PCNT: variants seen among roughly 807,000 people sequenced by gnomAD.
PCNT encodes kendrin.
A neutral mutation model predicts 380.4 loss-of-function variants in PCNT; 319 were observed. The observed-to-expected ratio is 0.84, with a 90% CI of 0.77 to 0.92. The LOEUF is 0.92. PCNT is among the 40% of genes least tolerant of loss of function. PCNT has a pLI of 0.00. For synonymous variants in PCNT, 1,845 were observed against 1,735.2 expected, an observed-to-expected ratio of 1.06 and a Z score of -1.57; for missense variants, 4,400 against 4,255.3, an observed-to-expected ratio of 1.03 and a Z score of -0.95.
Position 46,430,227 on chromosome 21 carries a change from G to A in PCNT, c.7908G>A (p.Gln2636=), listed in dbSNP as rs748437304. 1 of 1,612,436 alleles carries A rather than the reference G, an allele frequency of 6.2e-7. No homozygotes were observed. Among genetic ancestry groups the A allele is most frequent in the South Asian group, 1.1e-5 (1 of 91,012 alleles). The stretch of plus-strand genomic sequence containing the variant: ...GCGAGGTGCAGCAGGAGGTCCTCCA[G>A]CTGAGGTGCGCCTGATCCCCCTTCC... The part of the protein sequence containing the change: ...SLCEVQQEVL[Q]LRSMLSSKEN... Residue 2636 remains glutamine, a synonymous_variant, in exon 36 of 47, where the codon CAG becomes CAA. Transcript: ENST00000359568.
intron 8 of PCNT, 24 bp downstream of exon 8, chr21:46,349,844 A>G: frequency 1.2e-6 from 2 of 1,610,336 alleles, no homozygotes; most frequent in Non-Finnish European, 1.7e-6. Flanking sequence ...TCGTTATTTA[A>G]TTACTTGGTA....
intron 3 of PCNT, among the ~76,000 whole-genome samples, chr21:46,335,087 G>A (rs1463708441): frequency 2.6e-5 from 4 of 152,170 alleles, no homozygotes; most frequent in East Asian, 1.9e-4. Flanking sequence ...ATAAGTTTGA[G>A]GAATGTCATG....
chr21:46,389,185 T>C lies in PCNT; in HGVS notation c.3608-14T>C, dbSNP rs2085947531. On this transcript the variant is annotated splice_polypyrimidine_tract_variant and intron_variant, in intron 18 of 46. Coordinates refer to ENST00000359568, the MANE Select transcript of PCNT (RefSeq NM_006031.6). ...TCACTGAGCCGCGTGTGCCGGCATC[T>C]GCTCATCTTGTAGCTCCGGCGCTGG... 13 of 1,610,602 alleles carry C rather than the reference T, an allele frequency of 8.1e-6. No individual in the cohort carries two copies. Among genetic ancestry groups the C allele is most frequent in the Non-Finnish European group, 8.5e-6 (10 of 1,176,776 alleles).
chr21:46,401,526 A>G (rs1311942958), intron 25 of PCNT, 25 bp from the exon 26 acceptor site: 1 of 1,599,586 alleles, frequency 6.3e-7, no homozygotes, highest in African/African-American at 1.3e-5. Context: ...ATTTGCCTAA[A>G]ATAGAGTTCT....
At chr21:46,428,796 A>G (rs904398322) in intron 35 of PCNT, among the ~76,000 whole-genome samples, 2 of 151,636 alleles carry the variant, frequency 1.3e-5, no homozygotes, top group Non-Finnish European at 2.9e-5. Flanking sequence ...CGGAGGCCTC[A>G]CTCTTGGGCC....
At chr21:46,336,650 A>T (rs1055551535) in intron 3 of PCNT, among the ~76,000 whole-genome samples, 4 of 151,964 alleles carry the variant, frequency 2.6e-5, no homozygotes, top group African/African-American at 9.7e-5. Context: ...TTACTAGATT[A>T]TGGTGTTGAG....
intron 1 of PCNT, 151 bp from the exon 2 acceptor site, chr21:46,326,226 T>C (rs369960508): frequency 5.8e-5 from 41 of 704,310 alleles, no homozygotes; most frequent in East Asian, 4.3e-4. Flanking sequence ...GAAGGCAGTG[T>C]TTGTGGAGAG....
chr21:46,334,078 A>G (rs1360828378), intron 2 of PCNT, among the ~76,000 whole-genome samples: 10 of 151,540 alleles, frequency 6.6e-5, no homozygotes, highest in Middle Eastern at 3.4e-3. Context: ...GGTGGCGGGC[A>G]CCCATAGTCC....
chr21:46,383,539 TCA>T (rs1435979850), intron 16 of PCNT, among the ~76,000 whole-genome samples: 2 of 143,178 alleles, frequency 1.4e-5, no homozygotes, highest in African/African-American at 5.2e-5. Flanking sequence ...GGAAGCGCAT[TCA>T]CAGTGTTGTA....
chr21:46,433,890 G>A (rs1451888521), intron 38 of PCNT, among the ~76,000 whole-genome samples: 1 of 152,162 alleles, frequency 6.6e-6, no homozygotes, highest in African/African-American at 2.4e-5. Flanking sequence ...TCCTGCCTCA[G>A]CCTCCTGAGT....
At chr21:46,364,070 T>C in intron 14 of PCNT, 136 bp downstream of exon 14, 2 of 770,602 alleles carry the variant, frequency 2.6e-6, no homozygotes, top group Non-Finnish European at 4.2e-6. Context: ...GAACAAGGTG[T>C]GGCGCTCTAG....
At chr21:46,422,553 G>A (rs1160926384) in intron 32 of PCNT, among the ~76,000 whole-genome samples, 2 of 152,218 alleles carry the variant, frequency 1.3e-5, no homozygotes, top group Non-Finnish European at 2.9e-5. Flanking sequence ...AATCAACCTT[G>A]AAGGCAGAAT....
chr21:46,334,482 G>GGATGT lies in PCNT; in HGVS notation c.354_358dup (p.Phe120Ter), dbSNP rs754551394. ...AATGACCATCCTCCAGAGCAGTGTGGGATGTTCACAGTCAGTGACCACCCA... is the reference window on the plus strand; with the variant it reads ...AATGACCATCCTCCAGAGCAGTGTGGGATGTGATGTTCACAGTCAGTGACCACCCA... On this transcript the variant is annotated frameshift_variant, in exon 3 of 47. Coordinates refer to ENST00000359568, the MANE Select transcript of PCNT (RefSeq NM_006031.6). LOFTEE classifies it high-confidence loss of function. 1 of 1,612,898 alleles carries GGATGT rather than the reference G, an allele frequency of 6.2e-7. No homozygotes were observed. Among genetic ancestry groups the GGATGT allele is most frequent in the South Asian group, 1.1e-5 (1 of 91,050 alleles).
chr21:46,416,273 G>C lies in PCNT; in HGVS notation c.6355G>C (p.Glu2119Gln). Residue 2119 changes from glutamate (E) to glutamine (Q), a missense_variant, in exon 30 of 47, where the codon GAG becomes CAG. Physicochemically the swap from Glu to Gln is conservative, Grantham distance 29 (BLOSUM62 2). Transcript: ENST00000359568. ...SWSDDSCDGE[E>Q]PDISPHIDTC... Reference sequence around the variant, plus strand: ...GAGTGATGATTCCTGTGACGGAGAAGAGCCTGACATATCACCCCACATAGA... The same window carrying C: ...GAGTGATGATTCCTGTGACGGAGAACAGCCTGACATATCACCCCACATAGA... 6.2e-7 allele frequency: 1 copy of C among 1,614,174 alleles called. No individual in the cohort carries two copies. The highest frequency in any genetic ancestry group is 8.5e-7 in the Non-Finnish European group (1 of 1,180,036).
Position 46,325,147 on chromosome 21 carries a change from G to A in PCNT, c.54+865G>A, listed in dbSNP as rs547642956. On this transcript the variant is annotated intron_variant, in intron 1 of 46. Transcript: ENST00000359568. ...AAGCGCGCAGAGCCCATGACTCGGGGGCAGGAGAAAGGGAGTCCCGAAAGC... is the reference window on the plus strand; with the variant it reads ...AAGCGCGCAGAGCCCATGACTCGGGAGCAGGAGAAAGGGAGTCCCGAAAGC... 9.1e-5 allele frequency: 90 copies of A among 985,706 alleles called. No homozygotes were observed. The African/African-American group carries it at 1.4e-3, about 16-fold the overall frequency. The allele number at this position is 985,706 out of a possible 1,614,324, so 61.1% of individuals were successfully genotyped here.
At chr21:46,377,045 G>C (rs1465057045) in intron 15 of PCNT, among the ~76,000 whole-genome samples, 1 of 151,824 alleles carries the variant, frequency 6.6e-6, no homozygotes, top group Non-Finnish European at 1.5e-5. Context: ...GGCGCGGGGG[G>C]CACCCGATCC....
At chr21:46,373,729 CTTTTTT>C (rs57604484) in intron 15 of PCNT, among the ~76,000 whole-genome samples, 1 of 63,100 alleles carries the variant, frequency 1.6e-5, no homozygotes, top group African/African-American at 7.4e-5. Flanking sequence ...CCAGCCTTAG[CTTTTTT>C]TTTTTTTTTT....
intron 14 of PCNT, among the ~76,000 whole-genome samples, chr21:46,366,026 T>G (rs796559319): frequency 4.1e-5 from 6 of 147,830 alleles, no homozygotes; most frequent in African/African-American, 1.5e-4. Flanking sequence ...GGGGTTCTAT[T>G]CATTCACTGC....
intron 2 of PCNT, among the ~76,000 whole-genome samples, chr21:46,329,976 A>T (rs1412190647): frequency 2.6e-5 from 4 of 151,852 alleles, no homozygotes; most frequent in Non-Finnish European, 5.9e-5. Context: ...GCAGAGACAT[A>T]CCTCCTCTTC....
Sources: gnomAD v4.1 joint callset for allele counts (sites outside exome capture counted in the v4.1 genomes callset) on GRCh38, gnomAD v4.1.1 for gene constraint, MANE v1.5 for transcripts, NCBI Gene and HGNC (gene_info 2026-07-23, HGNC 2026-07-21) for gene names.